The following FNDC3B variants were observed in gnomAD, a reference collection of about 807,000 sequenced individuals.
FNDC3B encodes the protein fibronectin type III domain-containing protein 3B.
A neutral mutation model predicts 151.5 loss-of-function variants in FNDC3B; 12 were observed. That is an observed-to-expected ratio of 0.08 (90% CI 0.05 to 0.13). The LOEUF is 0.13. FNDC3B is among the 10% of genes least tolerant of loss of function. The pLI, the probability that FNDC3B is intolerant of heterozygous loss-of-function variation, is 1.00. For synonymous variants in FNDC3B, 528 were observed against 549.0 expected, an observed-to-expected ratio of 0.96 and a Z score of 0.54; for missense variants, 1,214 against 1,505.3, an observed-to-expected ratio of 0.81 and a Z score of 3.20.
chr3:172,330,618 C>G lies in FNDC3B; in HGVS notation c.1457C>G (p.Ala486Gly). The G allele has an allele frequency of 6.2e-7, 1 of 1,614,154 alleles. No homozygotes were observed. The highest frequency in any genetic ancestry group is 1.1e-5 in the South Asian group (1 of 91,080). ...QMPSAPRLVR[A>G]GITWVTLQWS... ...CCTTCTGCACCAAGGCTGGTTCGAG[C>G]TGGCATCACATGGGTCACGTTGCAG... Residue 486 changes from alanine (A) to glycine (G), a missense_variant, in exon 13 of 26, where the codon GCT becomes GGT. This residue lies in a region of FNDC3B where 111 missense variants were observed against 96.8 expected (regional missense o/e 1.15). Coordinates refer to ENST00000415807, the MANE Select transcript of FNDC3B (RefSeq NM_022763.4).
At chr3:172,092,796 G>A (rs1718905210) in intron 1 of FNDC3B, among the ~76,000 whole-genome samples, 2 of 152,098 alleles carry the variant, frequency 1.3e-5, no homozygotes, top group Admixed American at 1.3e-4. Context: ...GGCAGAGTAG[G>A]AAATACATTA....
intron 3 of FNDC3B, among the ~76,000 whole-genome samples, chr3:172,181,827 C>CA (rs747723219): frequency 0.18 from 10,898 of 61,028 alleles, 1,158 homozygotes; most frequent in Middle Eastern, 0.21. Context: ...GACTCCATCT[C>CA]AAAAAAAAAA....
chr3:172,354,528 T>G (rs563291626), intron 22 of FNDC3B, among the ~76,000 whole-genome samples: 1 of 151,620 alleles, frequency 6.6e-6, no homozygotes, highest in South Asian at 2.1e-4. Flanking sequence ...AATTCATACT[T>G]AAGACCAACT....
chr3:172,181,611 A>G (rs1723908592), intron 3 of FNDC3B, among the ~76,000 whole-genome samples: 1 of 151,668 alleles, frequency 6.6e-6, no homozygotes, highest in South Asian at 2.1e-4. Context: ...TGGGCATATC[A>G]CGAGGTCACA....
chr3:172,177,794 C>T (rs1378562401), intron 3 of FNDC3B, among the ~76,000 whole-genome samples: 1 of 151,910 alleles, frequency 6.6e-6, no homozygotes, highest in Non-Finnish European at 1.5e-5. Context: ...CTTAACCCAT[C>T]GCCTAGGTAT....
chr3:172,064,049 C>T (rs34814303), intron 1 of FNDC3B, among the ~76,000 whole-genome samples: 2 of 151,860 alleles, frequency 1.3e-5, no homozygotes. Flanking sequence ...AGGCTGTGGC[C>T]GTGAGAAGAT....
At chr3:172,215,415 A>G (rs1426300833) in intron 3 of FNDC3B, among the ~76,000 whole-genome samples, 1 of 152,196 alleles carries the variant, frequency 6.6e-6, no homozygotes, top group Non-Finnish European at 1.5e-5. Flanking sequence ...TGAGAGAATG[A>G]CAGGCAACCC....
At chr3:172,147,524 A>G (rs937282459) in intron 3 of FNDC3B, among the ~76,000 whole-genome samples, 4 of 152,002 alleles carry the variant, frequency 2.6e-5, no homozygotes, top group Admixed American at 6.6e-5. Context: ...GGTGGTCCCT[A>G]TAGTATATGA....
At chr3:172,393,877 G>A (rs745952058) in intron 25 of FNDC3B, among the ~76,000 whole-genome samples, 1 of 151,952 alleles carries the variant, frequency 6.6e-6, no homozygotes, top group Non-Finnish European at 1.5e-5. Context: ...GGGAGGCTGA[G>A]GTGAGCAGAT....
At chr3:172,178,592 G>A (rs1325375478) in intron 3 of FNDC3B, among the ~76,000 whole-genome samples, 1 of 152,178 alleles carries the variant, frequency 6.6e-6, no homozygotes, top group Non-Finnish European at 1.5e-5. Context: ...AGCTATGGGG[G>A]TAGCAGGAAA....
chr3:172,178,867 C>A (rs1255956529), intron 3 of FNDC3B, among the ~76,000 whole-genome samples: 1 of 152,220 alleles, frequency 6.6e-6, no homozygotes, highest in African/African-American at 2.4e-5. Context: ...CTACCCCCTT[C>A]AGCGCCTCCA....
intron 3 of FNDC3B, among the ~76,000 whole-genome samples, chr3:172,200,133 C>T (rs2108687395): frequency 6.6e-6 from 1 of 152,284 alleles, no homozygotes; most frequent in Non-Finnish European, 1.5e-5. Context: ...GTCATTCCAT[C>T]ACAGGGCACA....
At position 172,337,568 on chromosome 3, in the gene FNDC3B, C is replaced by T. The variant is rs1244570681; in HGVS notation, c.1852+167C>T. ...ATTGGCAGTTTTTCTATTTCAAACACAGCACCAGAGATCAGAGTCTACTTG... is the reference window on the plus strand; with the variant it reads ...ATTGGCAGTTTTTCTATTTCAAACATAGCACCAGAGATCAGAGTCTACTTG... On this transcript the variant is annotated intron_variant, in intron 16 of 25. Coordinates refer to ENST00000415807, the MANE Select transcript of FNDC3B (RefSeq NM_022763.4). The T allele has an allele frequency of 5.1e-5, 28 of 551,330 alleles. No homozygotes were observed. In the East Asian group the frequency reaches 8.1e-4, roughly 16 times the overall value. The allele number at this position is 551,330 out of a possible 1,614,324, so 34.2% of individuals were successfully genotyped here.
intron 3 of FNDC3B, among the ~76,000 whole-genome samples, chr3:172,174,334 C>T (rs532839859): frequency 1.1e-4 from 17 of 152,222 alleles, no homozygotes; most frequent in African/African-American, 4.1e-4. Flanking sequence ...GTGAGACTGC[C>T]ACTTAGTTAG....
In FNDC3B at chr3:172,381,020, T is replaced by G; in HGVS notation, c.3230T>G (p.Val1077Gly). 6.2e-7 allele frequency: 1 copy of G among 1,613,832 alleles called. No homozygotes were observed. The highest frequency in any genetic ancestry group is 8.5e-7 in the Non-Finnish European group (1 of 1,179,710). Reference sequence around the variant, plus strand: ...TCATGTGAAATTTTATGGGAGACGGTACCATCAATGAAAGGTGACCCTGTT... The same window carrying G: ...TCATGTGAAATTTTATGGGAGACGGGACCATCAATGAAAGGTGACCCTGTT... ...GNSCEILWETVPSMKGDPVNY... is the reference protein window; with the variant it reads ...GNSCEILWETGPSMKGDPVNY... The change falls in exon 25 of 26, where the codon GTA becomes GGA. Residue 1077 changes from valine to glycine, a missense_variant. Physicochemically the swap from Val to Gly is moderately radical, Grantham distance 109. This residue lies in a region of FNDC3B where 284 missense variants were observed against 392.4 expected (regional missense o/e 0.72). Coordinates refer to ENST00000415807, the MANE Select transcript of FNDC3B (RefSeq NM_022763.4).
intron 2 of FNDC3B, among the ~76,000 whole-genome samples, chr3:172,122,349 T>C (rs560579680): frequency 3.9e-5 from 6 of 152,354 alleles, no homozygotes; most frequent in Admixed American, 3.9e-4. Context: ...AGCCAGTTGC[T>C]GAAGTGCTGT....
At chr3:172,309,601 C>T (rs753514279) in intron 10 of FNDC3B, among the ~76,000 whole-genome samples, 8 of 152,046 alleles carry the variant, frequency 5.3e-5, no homozygotes, top group East Asian at 1.9e-4. Flanking sequence ...ACCTGAGATC[C>T]GAGTTTTGGG....
intron 6 of FNDC3B, among the ~76,000 whole-genome samples, chr3:172,270,367 C>T (rs1729139394): frequency 6.6e-6 from 1 of 152,362 alleles, no homozygotes; most frequent in Non-Finnish European, 1.5e-5. Flanking sequence ...TCTACTATGG[C>T]TGCTGCCTGA....
At position 172,188,952 on chromosome 3, in the gene FNDC3B, T is replaced by G. The variant is rs1350438394; in HGVS notation, c.188-37919T>G. On this transcript the variant is annotated intron_variant, in intron 3 of 25. Transcript: ENST00000415807. ...TAATTTTATTTTGTTCACTATTGTT[T>G]TATCCTTGCTTGGGTGTTTTCCTCA... 2.0e-5 allele frequency among the ~76,000 whole-genome samples: 3 copies of G among 152,230 alleles called. No homozygotes were observed. In the East Asian group the frequency reaches 5.8e-4, roughly 29 times the overall value.
Sources: gnomAD v4.1 joint callset for allele counts (sites outside exome capture counted in the v4.1 genomes callset) on GRCh38, gnomAD v4.1.1 for gene constraint, gnomAD v4.1.1 regional missense constraint, MANE v1.5 for transcripts, NCBI Gene and HGNC (gene_info 2026-07-23, HGNC 2026-07-21) for gene names.